Variants in FANCB observed in about 807,000 individuals in gnomAD.
FANCB encodes Fanconi anemia group B protein.
A neutral mutation model predicts 38.9 loss-of-function variants in FANCB; 5 were observed. The observed-to-expected ratio is 0.13, with a 90% CI of 0.07 to 0.27. The LOEUF is 0.27. FANCB is among the 10% of genes least tolerant of loss of function. The probability of loss-of-function intolerance (pLI) is 1.00; values close to 1 mark genes in which losing one functional copy is unlikely to be tolerated. For missense variants in FANCB, 573 were observed against 602.7 expected (o/e 0.95, Z 0.52); for synonymous variants, 236 against 215.4 (o/e 1.10, Z -0.84).
At chrX:14,787,622 T>C in the FANCB span, among the ~76,000 whole-genome samples, 1 of 109,494 alleles carries the variant, frequency 9.1e-6, no homozygotes, top group African/African-American at 3.3e-5. Context: ...AACGTATAAA[T>C]AGATCAAAAC....
chrX:14,717,522 C>A, the FANCB span, among the ~76,000 whole-genome samples: 14 of 103,447 alleles, frequency 1.4e-4, no homozygotes, highest in African/African-American at 5.5e-4. Flanking sequence ...CATTCACAAT[C>A]TTTACCTGTG....
the FANCB span, among the ~76,000 whole-genome samples, chrX:14,741,434 A>C: frequency 9.0e-6 from 1 of 111,430 alleles, no homozygotes; most frequent in Non-Finnish European, 1.9e-5. Context: ...GATCTCCTGC[A>C]TTCTGAACAT....
At chrX:14,740,333 C>T in the FANCB span, among the ~76,000 whole-genome samples, 1 of 110,854 alleles carries the variant, frequency 9.0e-6, no homozygotes, top group Non-Finnish European at 1.9e-5. Flanking sequence ...ACTCAGAGAA[C>T]AAGCCAGAGT....
the FANCB span, among the ~76,000 whole-genome samples, chrX:14,804,011 T>C: frequency 1.8e-5 from 2 of 111,183 alleles, no homozygotes; most frequent in Admixed American, 9.5e-5. Flanking sequence ...TGTGGAGAAA[T>C]AGGAACACTT....
the FANCB span, among the ~76,000 whole-genome samples, chrX:14,712,159 T>C: frequency 2.2e-4 from 25 of 112,998 alleles, no homozygotes; most frequent in African/African-American, 8.0e-4. Flanking sequence ...ATTATAGTCA[T>C]TTGTCTGTAT....
chrX:14,864,887 C>A lies in FANCB; in HGVS notation c.624G>T (p.Trp208Cys). ...QEPSKSDYAI[W>C]NTKFCVYSLE... ...GAGAATATACACAAAATTTGGTATT[C>A]CAAATTGCATAATCTGATTTTGAAG... The change falls in exon 3 of 10, where the codon TGG becomes TGT. Residue 208 changes from tryptophan to cysteine, a missense_variant. By Grantham distance (215) the Trp-to-Cys change is radical. Transcript: ENST00000650831. 1.2e-5 allele frequency: 15 copies of A among 1,209,261 alleles called. No homozygotes were observed. The highest frequency in any genetic ancestry group is 1.7e-5 in the Non-Finnish European group (15 of 893,258).
At chrX:14,800,277 C>T in the FANCB span, among the ~76,000 whole-genome samples, 1 of 111,683 alleles carries the variant, frequency 9.0e-6, no homozygotes, top group Non-Finnish European at 1.9e-5. Flanking sequence ...AAATTTTAGA[C>T]CAGTAGAAAC....
chrX:14,850,753 G>A, intron 6 of FANCB, 79 bp from the exon 7 acceptor site: 1 of 596,774 alleles, frequency 1.7e-6, no homozygotes, highest in African/African-American at 2.3e-5. Context: ...AAAGTTAAGT[G>A]TGCTTTTGGC....
the FANCB span, among the ~76,000 whole-genome samples, chrX:14,785,010 A>C: frequency 2.7e-5 from 3 of 111,656 alleles, no homozygotes; most frequent in Non-Finnish European, 5.7e-5. Context: ...ACTGGGGCCT[A>C]CTGTGGGGTG....
At position 14,869,023 on chromosome X, in the gene FANCB, G is replaced by A. The variant is rs2092483302; in HGVS notation, c.-171C>T. ...AGAAGATAGGGTAGGTAAATCAAAGGTCTGGCTTGTACTTATGAAACTATG... is the reference window on the plus strand; with the variant it reads ...AGAAGATAGGGTAGGTAAATCAAAGATCTGGCTTGTACTTATGAAACTATG... On this transcript the variant is annotated 5_prime_UTR_variant, in exon 2 of 10. Transcript: ENST00000650831. 1 of 111,386 alleles carries A rather than the reference G, an allele frequency of 9.0e-6. No individual in the cohort carries two copies. The highest frequency in any genetic ancestry group is 9.5e-5 in the Admixed American group (1 of 10,524). 9.2% of individuals were successfully genotyped at this position (111,386 alleles called of 1,213,427 possible). A position where few individuals can be genotyped will look rare whatever the true frequency, so the allele number is the denominator to read the frequency against.
the FANCB span, among the ~76,000 whole-genome samples, chrX:14,747,850 G>C: frequency 1.8e-5 from 2 of 112,074 alleles, no homozygotes; most frequent in African/African-American, 6.5e-5. Flanking sequence ...TTGGGGGTTT[G>C]GGGTTGATTT....
At chrX:14,706,414 A>G in the FANCB span, among the ~76,000 whole-genome samples, 1 of 112,522 alleles carries the variant, frequency 8.9e-6, no homozygotes, top group African/African-American at 3.2e-5. Flanking sequence ...CTATTAAGAC[A>G]TGGTAAAAAG....
chrX:14,708,446 A>G, the FANCB span, among the ~76,000 whole-genome samples: 2 of 110,944 alleles, frequency 1.8e-5, no homozygotes, highest in Non-Finnish European at 3.8e-5. Flanking sequence ...ATGTTGCACT[A>G]ACTATATTGC....
intron 4 of FANCB, 82 bp downstream of exon 4, chrX:14,859,100 A>T: frequency 1.6e-6 from 1 of 612,278 alleles, no homozygotes; most frequent in Non-Finnish European, 2.6e-6. Context: ...ACCAATATTT[A>T]AATGATAGGT....
At chrX:14,712,606 A>G in the FANCB span, among the ~76,000 whole-genome samples, 1 of 109,681 alleles carries the variant, frequency 9.1e-6, no homozygotes, top group Admixed American at 9.7e-5. Flanking sequence ...AGTCATGAAG[A>G]CAAAGACATT....
chrX:14,865,604 T>A lies in FANCB; in HGVS notation c.-70-24A>T, dbSNP rs140817506. ...ACCTAAAAAAGAAATGAGGAAAAACTGCCATGAAGTAGGAAGGGTTGAAAA... is the reference window on the plus strand; with the variant it reads ...ACCTAAAAAAGAAATGAGGAAAAACAGCCATGAAGTAGGAAGGGTTGAAAA... On this transcript the variant is annotated intron_variant, in intron 2 of 9. Coordinates refer to ENST00000650831, the MANE Select transcript of FANCB (RefSeq NM_001018113.3). 1.1e-3 allele frequency: 741 copies of A among 662,797 alleles called. 5 individuals carry two copies. Among genetic ancestry groups the A allele is most frequent in the African/African-American group, 0.011 (491 of 46,558 alleles). The allele number at this position is 662,797 out of a possible 1,213,427, so 54.6% of individuals were successfully genotyped here.
chrX:14,847,071 T>C lies in FANCB; in HGVS notation c.1497-1785A>G, dbSNP rs1049325287. On this transcript the variant is annotated intron_variant, in intron 7 of 9. Transcript: ENST00000650831. ...TTACAGATGAAATAATATAATGCCT[T>C]TGAGTGCTTCAAAATAATCTGGGGG... 3.6e-5 allele frequency among the ~76,000 whole-genome samples: 4 copies of C among 110,142 alleles called. No homozygotes were observed. In the Admixed American group the frequency reaches 3.9e-4, roughly 11 times the overall value.
At chrX:14,732,784 T>C in the FANCB span, among the ~76,000 whole-genome samples, 1 of 112,444 alleles carries the variant, frequency 8.9e-6, no homozygotes, top group Non-Finnish European at 1.9e-5. Flanking sequence ...ATTAGCCCTT[T>C]GTCAGATGGC....
the FANCB span, among the ~76,000 whole-genome samples, chrX:14,739,221 T>G: frequency 2.4e-3 from 271 of 112,291 alleles, 1 homozygote; most frequent in African/African-American, 7.7e-3. Context: ...TAACCTCATA[T>G]TTACATAGTG....
Sources: gnomAD v4.1 joint callset for allele counts (sites outside exome capture counted in the v4.1 genomes callset) on GRCh38, gnomAD v4.1.1 for gene constraint, MANE v1.5 for transcripts, NCBI Gene and HGNC (gene_info 2026-07-23, HGNC 2026-07-21) for gene names.